Variants in TEX36 observed in about 807,000 individuals in gnomAD.
TEX36 encodes testis-expressed protein 36.
In TEX36, 12 loss-of-function variants were observed where a neutral mutation model predicts 13.6. That is an observed-to-expected ratio of 0.88 (90% CI 0.56 to 1.43). The LOEUF (loss-of-function observed/expected upper bound fraction) is 1.43. TEX36 is among the 40% of genes most tolerant of loss of function. TEX36 has a pLI of 0.00. For synonymous variants in TEX36, 93 were observed against 83.0 expected (o/e 1.12, Z -0.65); for missense variants, 224 against 228.3 (o/e 0.98, Z 0.12).
Position 125,661,068 on chromosome 10 carries a change from G to A in TEX36, c.217C>T (p.His73Tyr). The A allele has an allele frequency of 6.4e-7, 1 of 1,552,000 alleles. No individual in the cohort carries two copies. Among genetic ancestry groups the A allele is most frequent in the Non-Finnish European group, 8.7e-7 (1 of 1,147,050 alleles). Residue 73 changes from histidine (H) to tyrosine (Y), a missense_variant, in exon 3 of 4, where the codon CAT becomes TAT. Physicochemically the swap from His to Tyr is moderately conservative, Grantham distance 83 (BLOSUM62 2). Transcript: ENST00000368821. The stretch of plus-strand genomic sequence containing the variant: ...TTCTCCAAGCTGTGCCGATTGTCAT[G>A]CACGGAGAAGGGGAACTGGTTATTC... ...AVNNQFPFSV[H>Y]DNRHSLENSG...
At chr10:125,658,473 CA>C (rs1846981293) in intron 3 of TEX36, among the ~76,000 whole-genome samples, 1 of 151,800 alleles carries the variant, frequency 6.6e-6, no homozygotes, top group Non-Finnish European at 1.5e-5. Flanking sequence ...ATTGACAGAT[CA>C]ATACAAAAAT....
At chr10:125,591,614 T>C (rs914496824) in intron 3 of TEX36, among the ~76,000 whole-genome samples, 1 of 152,264 alleles carries the variant, frequency 6.6e-6, no homozygotes, top group African/African-American at 2.4e-5. Flanking sequence ...CATGGTTCTC[T>C]CTACACTGAA....
chr10:125,581,511 T>C (rs780774747), intron 3 of TEX36, among the ~76,000 whole-genome samples: 38 of 152,082 alleles, frequency 2.5e-4, no homozygotes, highest in Admixed American at 2.3e-3. Flanking sequence ...TTCCCCCAGG[T>C]CCTTACAAGG....
chr10:125,648,191 C>T (rs909523849), intron 3 of TEX36, among the ~76,000 whole-genome samples: 1 of 152,224 alleles, frequency 6.6e-6, no homozygotes, highest in African/African-American at 2.4e-5. Flanking sequence ...TCTGAGAACA[C>T]ACAGACTGCC....
chr10:125,608,972 T>TAAAAA (rs35828943), intron 3 of TEX36, among the ~76,000 whole-genome samples: 8 of 83,014 alleles, frequency 9.6e-5, no homozygotes, highest in East Asian at 3.4e-4. Context: ...CCACCTCTAC[T>TAAAAA]AAAAAAAAAA....
chr10:125,637,724 G>A (rs976516084), intron 3 of TEX36, among the ~76,000 whole-genome samples: 2 of 152,112 alleles, frequency 1.3e-5, no homozygotes, highest in African/African-American at 2.4e-5. Flanking sequence ...TGGGACCCCT[G>A]TGGTGAGCTC....
downstream of TEX36, among the ~76,000 whole-genome samples, chr10:125,655,484 C>A (rs1846923966): frequency 1.3e-5 from 2 of 151,998 alleles, no homozygotes; most frequent in African/African-American, 4.8e-5. Flanking sequence ...CACTGTGTAA[C>A]ATAGTAATGT....
chr10:125,643,323 G>T (rs549464399), intron 3 of TEX36, among the ~76,000 whole-genome samples: 2 of 152,182 alleles, frequency 1.3e-5, no homozygotes, highest in Non-Finnish European at 2.9e-5. Context: ...TCACAGGTAA[G>T]CTATCAAGGA....
chr10:125,618,116 G>A (rs1385020998), downstream of TEX36, among the ~76,000 whole-genome samples: 9 of 152,152 alleles, frequency 5.9e-5, no homozygotes, highest in East Asian at 1.9e-4. Flanking sequence ...CGTAGTTCTC[G>A]AACCTTGGTT....
chr10:125,616,916 G>A (rs1846366937), downstream of TEX36, among the ~76,000 whole-genome samples: 1 of 151,920 alleles, frequency 6.6e-6, no homozygotes, highest in African/African-American at 2.4e-5. Context: ...ATGTGTGGGA[G>A]TCTAAGTCTC....
At chr10:125,620,862 AAGTAGAATCATAT>A (rs1310729482), downstream of TEX36, among the ~76,000 whole-genome samples, 1 of 152,182 alleles carries the variant, frequency 6.6e-6, no homozygotes, top group Non-Finnish European at 1.5e-5. Flanking sequence ...AACCTCAATT[AAGTAGAATCATAT>A]AGCATGTGTG....
chr10:125,589,204 T>C (rs1182394939), intron 3 of TEX36, among the ~76,000 whole-genome samples: 1 of 152,276 alleles, frequency 6.6e-6, no homozygotes, highest in African/African-American at 2.4e-5. Flanking sequence ...TGTATAGATT[T>C]GTTAAAAACA....
chr10:125,635,057 T>C lies in TEX36; in HGVS notation c.265-13412A>G, dbSNP rs373071447. ...AGGGATTAAGGCCACACCAGACGCA[T>C]TGCCAACCTAAAATTCCTTGGTTTT... On this transcript the variant is annotated intron_variant, in intron 3 of 3. Transcript: ENST00000526819. 1.6e-4 allele frequency among the ~76,000 whole-genome samples: 24 copies of C among 152,298 alleles called. No homozygotes were observed. In the East Asian group the frequency reaches 4.3e-3, roughly 27 times the overall value.
intron 3 of TEX36, chr10:125,578,177 T>C (rs1453033897): frequency 1.3e-5 from 2 of 152,216 alleles, no homozygotes; most frequent in Admixed American, 6.5e-5. Flanking sequence ...ATGTGGGCGA[T>C]AACAGGGTTT....
At position 125,637,933 on chromosome 10, in the gene TEX36, C is replaced by A. The variant is rs117037587; in HGVS notation, c.265-16288G>T. On this transcript the variant is annotated intron_variant, in intron 3 of 3. Transcript: ENST00000526819. Reference sequence around the variant, plus strand: ...CCCTCTGCAAGTCCAGACCACCCCCCTGCTGCCGGGCCCCCTCCAACTTCC... The same window carrying A: ...CCCTCTGCAAGTCCAGACCACCCCCATGCTGCCGGGCCCCCTCCAACTTCC... Among the ~76,000 whole-genome samples the A allele has an allele frequency of 4.5e-4, 68 of 152,210 alleles. 1 individual carries two copies. Among genetic ancestry groups the A allele is most frequent in the East Asian group, 3.9e-3 (20 of 5,168 alleles).
rs190671111 is a variant in TEX36 at position 125,615,874 on chromosome 10, G to T, written c.265-39000C>A. Among the ~76,000 whole-genome samples, 76 of 152,200 alleles carry T rather than the reference G, an allele frequency of 5.0e-4. 1 individual carries two copies. The East Asian group carries it at 0.015, about 29-fold the overall frequency. ...GAAGGAAAGGTACCAGTTCCCCCTG[G>T]TACCTCTGCTAGAATTCGGCTGTGA... On this transcript the variant is annotated intron_variant, in intron 3 of 3. Coordinates refer to the TEX36 transcript ENST00000532135.
chr10:125,588,630 TTTGA>T lies in TEX36; in HGVS notation c.265-11760_265-11757del, dbSNP rs572281233. ...GTTTGTTTGTTTGTTTGTTTGTTTG[TTTGA>T]GATGGAATCTCGAGCTGTCGCCCAT... On this transcript the variant is annotated intron_variant, in intron 3 of 3. Coordinates refer to the TEX36 transcript ENST00000532135. Among the ~76,000 whole-genome samples, 257 of 138,348 alleles carry T rather than the reference TTTGA, an allele frequency of 1.9e-3. 2 individuals are homozygous for T. The South Asian group carries it at 0.022, about 12-fold the overall frequency. 90.8% of individuals were successfully genotyped at this position (138,348 alleles called of 152,430 possible).
intron 3 of TEX36, among the ~76,000 whole-genome samples, chr10:125,656,488 G>C (rs2133590816): frequency 6.6e-6 from 1 of 151,906 alleles, no homozygotes; most frequent in South Asian, 2.1e-4. Flanking sequence ...GAACTCCTAA[G>C]CTCAGGCAAT....
At chr10:125,618,844 C>T (rs566038371), downstream of TEX36, among the ~76,000 whole-genome samples, 235 of 150,218 alleles carry the variant, frequency 1.6e-3, no homozygotes, top group African/African-American at 4.9e-3. Context: ...CGGTGGCTCA[C>T]GCCTGTAATC....
Sources: gnomAD v4.1 joint callset for allele counts (sites outside exome capture counted in the v4.1 genomes callset) on GRCh38, gnomAD v4.1.1 for gene constraint, MANE v1.5 for transcripts, NCBI Gene and HGNC (gene_info 2026-07-23, HGNC 2026-07-21) for gene names.